TRIB3: variants seen among roughly 807,000 people sequenced by gnomAD.
TRIB3 encodes the protein tribbles homolog 3.
In TRIB3, 20 loss-of-function variants were observed where a neutral mutation model predicts 16.6. The observed-to-expected ratio is 1.20, with a 90% CI of 0.85 to 1.75. The LOEUF (loss-of-function observed/expected upper bound fraction) is 1.75. Ranked by LOEUF, TRIB3 falls within the 40% of genes most tolerant of loss-of-function variation. TRIB3 has a pLI of 0.00. For missense variants in TRIB3, 484 were observed against 488.9 expected (o/e 0.99, Z 0.10); for synonymous variants, 208 against 217.0 (o/e 0.96, Z 0.36).
Position 391,306 on chromosome 20 carries a change from C to A in TRIB3, c.311C>A (p.Ala104Asp). The change falls in exon 3 of 4, where the codon GCC becomes GAC. Residue 104 changes from alanine (A) to aspartate (D), a missense_variant. Ala to Asp is a moderately radical substitution (Grantham distance 126). Coordinates refer to ENST00000217233, the MANE Select transcript of TRIB3 (RefSeq NM_021158.5). ...CCACAGGTGTACCCCGTCCAGGAAG[C>A]CCTGGCCGTGCTGGAGCCCTATGCG... ...YTCKVYPVQE[A>D]LAVLEPYARL... 6.2e-7 allele frequency: 1 copy of A among 1,612,582 alleles called. No homozygotes were observed. Among genetic ancestry groups the A allele is most frequent in the Non-Finnish European group, 8.5e-7 (1 of 1,179,978 alleles).
At position 386,908 on chromosome 20, in the gene TRIB3, G is replaced by A. The variant is rs538238707; in HGVS notation, c.1-1103G>A. On this transcript the variant is annotated intron_variant, in intron 1 of 3. Transcript: ENST00000217233. Reference sequence around the variant, plus strand: ...TGGGATTACAGGCATAAGCCACTGCGCCTGGCCTAATTTTTGTATTTTTTA... The same window carrying A: ...TGGGATTACAGGCATAAGCCACTGCACCTGGCCTAATTTTTGTATTTTTTA... Among the ~76,000 whole-genome samples, 13 of 151,088 alleles carry A rather than the reference G, an allele frequency of 8.6e-5. No individual in the cohort carries two copies. The East Asian group carries it at 1.2e-3, about 14-fold the overall frequency.
intron 1 of TRIB3, among the ~76,000 whole-genome samples, chr20:386,239 A>G (rs1417759651): frequency 6.6e-6 from 1 of 151,964 alleles, no homozygotes; most frequent in Non-Finnish European, 1.5e-5. Context: ...TGTCTAACCT[A>G]CTTCTCTTCC....
chr20:381,901 G>C (rs148295030), intron 1 of TRIB3, among the ~76,000 whole-genome samples: 3,370 of 152,278 alleles, frequency 0.022, 68 homozygotes, highest in Middle Eastern at 0.1. Flanking sequence ...GGAGGGCGGG[G>C]GACGACAGCC....
At chr20:391,000 TCAA>T (rs2014957467) in intron 2 of TRIB3, among the ~76,000 whole-genome samples, 1 of 28,592 alleles carries the variant, frequency 3.5e-5, no homozygotes, top group South Asian at 2.1e-3. Context: ...AGACTCCGTC[TCAA>T]AAAAAAAAAA....
intron 2 of TRIB3, among the ~76,000 whole-genome samples, chr20:388,807 A>G (rs2014894655): frequency 6.6e-6 from 1 of 152,156 alleles, no homozygotes; most frequent in African/African-American, 2.4e-5. Context: ...ATGTTTGCAC[A>G]AGAGAAGGGT....
chr20:388,552 T>G (rs988416136), intron 2 of TRIB3, among the ~76,000 whole-genome samples: 1 of 152,014 alleles, frequency 6.6e-6, no homozygotes, highest in Non-Finnish European at 1.5e-5. Context: ...TTAGGGATCA[T>G]GGGCGCAGAA....
rs201381552 is a variant in TRIB3, at chr20:396,478, C to A, written c.865C>A (p.Arg289Ser). Residue 289 changes from arginine (R) to serine (S), a missense_variant, in exon 4 of 4, where the codon CGC (arginine) becomes AGC (serine). Arg to Ser is a moderately radical substitution (Grantham distance 110). Transcript: ENST00000217233. ...GCCTGCAGGCCTCTCGGCCCCTGCCCGCTGTCTGGTTCGCTGCCTCCTTCG... is the reference window on the plus strand; with the variant it reads ...GCCTGCAGGCCTCTCGGCCCCTGCCAGCTGTCTGGTTCGCTGCCTCCTTCG... ...ALPAGLSAPA[R>S]CLVRCLLRRE... 2.9e-5 allele frequency: 47 copies of A among 1,612,896 alleles called. No individual in the cohort carries two copies. Among genetic ancestry groups the A allele is most frequent in the Non-Finnish European group, 1.2e-5 (14 of 1,179,978 alleles).
chr20:394,366 A>C (rs1446684468), intron 3 of TRIB3, among the ~76,000 whole-genome samples: 1 of 152,194 alleles, frequency 6.6e-6, no homozygotes, highest in African/African-American at 2.4e-5. Context: ...TATTAGAACA[A>C]GCATGCCTTT....
intron 1 of TRIB3, among the ~76,000 whole-genome samples, chr20:386,144 G>A (rs1158045639): frequency 6.6e-6 from 1 of 152,084 alleles, no homozygotes; most frequent in African/African-American, 2.4e-5. Flanking sequence ...GATTACAGGT[G>A]TGGGCCACTG....
chr20:392,450 G>A (rs2015006248), intron 3 of TRIB3, among the ~76,000 whole-genome samples: 1 of 152,148 alleles, frequency 6.6e-6, no homozygotes, highest in Non-Finnish European at 1.5e-5. Context: ...CAAGACCACA[G>A]CCAAAATAGG....
intron 1 of TRIB3, 69 bp downstream of exon 1, chr20:381,238 G>T (rs2014634745): frequency 6.6e-6 from 1 of 152,216 alleles, no homozygotes; most frequent in Non-Finnish European, 1.5e-5. Flanking sequence ...GCCGGGGAAG[G>T]GGGCGCCGGA....
intron 1 of TRIB3, among the ~76,000 whole-genome samples, chr20:384,470 T>G (rs1228392281): frequency 2.6e-5 from 4 of 152,034 alleles, no homozygotes; most frequent in African/African-American, 9.7e-5. Flanking sequence ...CTCAAGTGAT[T>G]CTCCTGCCTC....
At chr20:382,525 A>T in intron 1 of TRIB3, 1 of 1,535,434 alleles carries the variant, frequency 6.5e-7, no homozygotes, top group East Asian at 2.4e-5. Flanking sequence ...GAACCTGGGG[A>T]GCTTTCTAAG....
chr20:392,013 T>C (rs142444524), intron 3 of TRIB3, among the ~76,000 whole-genome samples: 9,533 of 150,460 alleles, frequency 0.063, 373 homozygotes, highest in Middle Eastern at 0.14. Context: ...CAGAGTGAGA[T>C]TCCATCTCAA....
chr20:394,788 A>C (rs182407343), intron 3 of TRIB3, among the ~76,000 whole-genome samples: 1 of 150,172 alleles, frequency 6.7e-6, no homozygotes, highest in African/African-American at 2.4e-5. Context: ...CCTATCTCTA[A>C]AGAAAAAAAA....
chr20:388,473 G>A (rs1270695519), intron 2 of TRIB3, among the ~76,000 whole-genome samples, 172 bp downstream of exon 2: 2 of 152,248 alleles, frequency 1.3e-5, no homozygotes, highest in African/African-American at 2.4e-5. Flanking sequence ...GTAAACCAGA[G>A]GTCGTCCCAG....
Position 391,570 on chromosome 20 carries a change from AC to A in TRIB3, c.577del (p.Arg193ValfsTer17). 1 of 1,608,682 alleles carries A rather than the reference AC, an allele frequency of 6.2e-7. No homozygotes were observed. On this transcript the variant is annotated frameshift_variant, in exon 3 of 4. Coordinates refer to ENST00000217233, the MANE Select transcript of TRIB3 (RefSeq NM_021158.5). LOFTEE classifies it low-confidence loss of function (END_TRUNC). The part of the protein sequence containing the change: ...DLKLCRFVFA[D>X]RERKKLVLEN... ...AAGCTGTGTCGCTTTGTCTTCGCTG[AC>A]CGTGAGAGGTGAGTGTGGTCTCAGA... is the stretch of plus-strand genomic sequence containing the variant.
At chr20:381,899 G>A (rs949124389) in intron 1 of TRIB3, among the ~76,000 whole-genome samples, 4 of 152,190 alleles carry the variant, frequency 2.6e-5, no homozygotes, top group Non-Finnish European at 4.4e-5. Context: ...GGGGAGGGCG[G>A]GGGACGACAG....
chr20:386,026 T>TA lies in TRIB3; in HGVS notation c.1-1976dup, dbSNP rs201927880. On this transcript the variant is annotated intron_variant, in intron 1 of 3. Transcript: ENST00000217233. The stretch of plus-strand genomic sequence containing the variant: ...GCATCCACCACCACACCCAGCTAAT[T>TA]AAAAAAAAATTTTTTTTTGTAGAGA... Among the ~76,000 whole-genome samples, 29 of 151,236 alleles carry TA rather than the reference T, an allele frequency of 1.9e-4. No individual in the cohort carries two copies. The East Asian group carries it at 2.1e-3, about 11-fold the overall frequency.
Sources: gnomAD v4.1 joint callset for allele counts (sites outside exome capture counted in the v4.1 genomes callset) on GRCh38, gnomAD v4.1.1 for gene constraint, MANE v1.5 for transcripts, NCBI Gene and HGNC (gene_info 2026-07-23, HGNC 2026-07-21) for gene names.